The following RRM2 variants were observed in gnomAD, a reference collection of about 807,000 sequenced individuals.
The protein encoded by RRM2 is ribonucleotide reductase regulatory subunit M2.
In RRM2, 6 loss-of-function variants were observed where a neutral mutation model predicts 45.9. The ratio of observed to expected loss-of-function variants is 0.13; its 90% CI spans 0.07 to 0.26. The LOEUF (loss-of-function observed/expected upper bound fraction) is 0.26, where lower values mean the gene tolerates loss of function less well. Among genes scored for constraint, RRM2 ranks in the 10% least tolerant of loss-of-function variants. The pLI is 1.00. For missense variants in RRM2, 343 were observed against 489.5 expected, an observed-to-expected ratio of 0.70 and a Z score of 2.82; for synonymous variants, 177 against 173.0, an observed-to-expected ratio of 1.02 and a Z score of -0.18.
chr2:10,202,681 G>A (rs1187244441), intron 3 of RRM2, among the ~76,000 whole-genome samples: 9 of 152,320 alleles, frequency 5.9e-5, no homozygotes, highest in African/African-American at 2.2e-4. Context: ...AATGTGTCTG[G>A]TTGGAGGTGT....
chr2:10,123,166 G>T, intron 2 of RRM2, 109 bp downstream of exon 2: 1 of 1,364,646 alleles, frequency 7.3e-7, no homozygotes, highest in Non-Finnish European at 9.7e-7. Context: ...CTCCTTTCCC[G>T]CCTAGGCGGC....
At chr2:10,136,496 C>T (rs890516691), upstream of RRM2, among the ~76,000 whole-genome samples, 6 of 152,088 alleles carry the variant, frequency 3.9e-5, no homozygotes, top group South Asian at 2.1e-4. Context: ...ATCAGAGGTG[C>T]GGGTGGCTAG....
upstream of RRM2, among the ~76,000 whole-genome samples, chr2:10,140,519 G>T (rs1663061443): frequency 6.6e-6 from 1 of 152,192 alleles, no homozygotes; most frequent in Admixed American, 6.5e-5. Flanking sequence ...GGAAAGTAGT[G>T]GATGGCATTG....
chr2:10,123,468 G>A lies in RRM2; in HGVS notation c.256G>A (p.Glu86Lys). ...CCGCCGCTTTGTCATCTTCCCCATCGAGTACCATGATATCTGGCAGATGTA... is the reference window on the plus strand; with the variant it reads ...CCGCCGCTTTGTCATCTTCCCCATCAAGTACCATGATATCTGGCAGATGTA... ...NPRRFVIFPI[E>K]YHDIWQMYKK... Residue 86 changes from glutamate (E) to lysine (K), a missense_variant, in exon 3 of 10, where the codon GAG (glutamate) becomes AAG (lysine). Glu to Lys is a moderately conservative substitution (Grantham distance 56). Transcript: ENST00000304567. 1 of 1,614,180 alleles carries A rather than the reference G, an allele frequency of 6.2e-7. No individual in the cohort carries two copies. Among genetic ancestry groups the A allele is most frequent in the Non-Finnish European group, 8.5e-7 (1 of 1,180,028 alleles).
intron 3 of RRM2, among the ~76,000 whole-genome samples, chr2:10,158,979 G>C (rs1336181647): frequency 6.6e-6 from 1 of 152,216 alleles, no homozygotes; most frequent in Non-Finnish European, 1.5e-5. Context: ...CAGTGCCGCG[G>C]GGCTGGCCCA....
rs1287547966 is a variant in RRM2, at chr2:10,204,443, C to T, written n.483-5868C>T. Among the ~76,000 whole-genome samples, 4 of 152,228 alleles carry T rather than the reference C, an allele frequency of 2.6e-5. No individual in the cohort carries two copies. The South Asian group carries it at 6.2e-4, about 24-fold the overall frequency. ...AGGAACGGTTGGTGGGCAGCTGCCA[C>T]TCTGTCCACTGGCAGAGAAGCAGCC... is the stretch of plus-strand genomic sequence containing the variant. On this transcript the variant is annotated intron_variant and non_coding_transcript_variant, in intron 3 of 3. Coordinates refer to the RRM2 transcript ENST00000381786. This position sits in a 1 kb window ranked among gnomAD's most constrained non-coding sequence, Gnocchi z 4.0.
chr2:10,125,506 C>T (rs1390931548), intron 5 of RRM2, among the ~76,000 whole-genome samples: 2 of 152,064 alleles, frequency 1.3e-5, no homozygotes, highest in Admixed American at 6.6e-5. Flanking sequence ...GAGATCGAGA[C>T]CATCCTGGCT....
chr2:10,126,308 G>C (rs1662779591), intron 5 of RRM2, among the ~76,000 whole-genome samples: 1 of 152,084 alleles, frequency 6.6e-6, no homozygotes, highest in African/African-American at 2.4e-5. Context: ...GCAGAGGAGG[G>C]TGGTAAGGGA....
At chr2:10,164,380 A>C (rs1301665090) in intron 3 of RRM2, among the ~76,000 whole-genome samples, 3 of 152,110 alleles carry the variant, frequency 2.0e-5, no homozygotes, top group Non-Finnish European at 2.9e-5. Flanking sequence ...GGCTTAATAC[A>C]CTTGGAAGCC....
In RRM2 at chr2:10,204,992, G is replaced by A. The variant is rs1664636333; in HGVS notation, n.483-5319G>A. Among the ~76,000 whole-genome samples, 1 of 152,256 alleles carries A rather than the reference G, an allele frequency of 6.6e-6. No individual in the cohort carries two copies. Among genetic ancestry groups the A allele is most frequent in the South Asian group, 2.1e-4 (1 of 4,836 alleles). On this transcript the variant is annotated intron_variant and non_coding_transcript_variant, in intron 3 of 3. Coordinates refer to the RRM2 transcript ENST00000381786. The surrounding 1 kb of genome is among the most constrained non-coding windows in gnomAD (Gnocchi z 4.0). Reference sequence around the variant, plus strand: ...GGCTCTAACACAGCCGAGGCATAGTGTGAGCAAAGTCAGACGCAGTGGTTA... The same window carrying A: ...GGCTCTAACACAGCCGAGGCATAGTATGAGCAAAGTCAGACGCAGTGGTTA...
intron 3 of RRM2, among the ~76,000 whole-genome samples, chr2:10,163,452 G>A (rs953814710): frequency 6.6e-6 from 1 of 152,182 alleles, no homozygotes; most frequent in Non-Finnish European, 1.5e-5. Flanking sequence ...GGCCAGGTCC[G>A]ACAGCAAGCT....
chr2:10,208,305 G>A (rs1664698736), intron 3 of RRM2, among the ~76,000 whole-genome samples: 1 of 152,170 alleles, frequency 6.6e-6, no homozygotes, highest in African/African-American at 2.4e-5. Flanking sequence ...ACTCAGCTCT[G>A]CCAAGCAGAT....
chr2:10,209,058 T>TTTC (rs771458079), intron 3 of RRM2, among the ~76,000 whole-genome samples: 8 of 123,748 alleles, frequency 6.5e-5, no homozygotes, highest in South Asian at 2.4e-4. Context: ...TCTTTCTTTC[T>TTTC]TTTTTTTTTT....
intron 3 of RRM2, among the ~76,000 whole-genome samples, chr2:10,194,439 C>T (rs572292193): frequency 3.3e-5 from 5 of 152,344 alleles, no homozygotes; most frequent in African/African-American, 1.2e-4. Context: ...CCAGCTTGTG[C>T]GGGCCCAAAT....
At chr2:10,135,545 G>A (rs1022660961), downstream of RRM2, among the ~76,000 whole-genome samples, 4 of 152,056 alleles carry the variant, frequency 2.6e-5, no homozygotes, top group East Asian at 1.9e-4. Context: ...AAAGCTTGAC[G>A]GGCTTAGAAG....
In RRM2 at chr2:10,141,605, G is replaced by C. The variant is rs1425588889; in HGVS notation, n.224G>C. The C allele has an allele frequency of 1.9e-5, 10 of 524,510 alleles. No individual in the cohort carries two copies. The South Asian group carries it at 2.2e-4, about 12-fold the overall frequency. 32.5% of individuals were successfully genotyped at this position (524,510 alleles called of 1,614,324 possible). ...GGTGTCTGGTCTTGGAGTCAAGAAT[G>C]CATGTGCTTAAGGATTCCAAGATCA... On this transcript the variant is annotated non_coding_transcript_exon_variant, in exon 1 of 4. Coordinates refer to the RRM2 transcript ENST00000381786.
chr2:10,149,045 G>C (rs1469578460), intron 3 of RRM2, among the ~76,000 whole-genome samples: 1 of 151,628 alleles, frequency 6.6e-6, no homozygotes, highest in African/African-American at 2.4e-5. Flanking sequence ...TCTTTCTCCA[G>C]CTCTGTCAGC....
In RRM2 at chr2:10,129,681, T is replaced by C; in HGVS notation, c.*295T>C. ...AGCTTAGCACAGCGGGATTAAACAGTCCTTTAACCAGCACAGCCAGTTAAA... is the reference window on the plus strand; with the variant it reads ...AGCTTAGCACAGCGGGATTAAACAGCCCTTTAACCAGCACAGCCAGTTAAA... On this transcript the variant is annotated 3_prime_UTR_variant, in exon 10 of 10. Transcript: ENST00000304567. This position sits in a 1 kb window ranked among gnomAD's most constrained non-coding sequence, Gnocchi z 4.8. 1 of 315,026 alleles carries C rather than the reference T, an allele frequency of 3.2e-6. No homozygotes were observed. The allele number at this position is 315,026 out of a possible 1,614,324, so 19.5% of individuals were successfully genotyped here.
chr2:10,186,962 G>A (rs888632571), intron 3 of RRM2, among the ~76,000 whole-genome samples: 5 of 152,372 alleles, frequency 3.3e-5, no homozygotes, highest in African/African-American at 1.2e-4. Context: ...GGACCCAGGA[G>A]CTCTGGTGCC....
Sources: gnomAD v4.1 joint callset for allele counts (sites outside exome capture counted in the v4.1 genomes callset) on GRCh38, gnomAD v4.1.1 for gene constraint, Gnocchi (gnomAD v3.1) non-coding constraint, MANE v1.5 for transcripts, NCBI Gene and HGNC (gene_info 2026-07-23, HGNC 2026-07-21) for gene names.